Variants in ZNF407 observed in about 807,000 individuals in gnomAD.
ZNF407 encodes the protein zinc finger protein 407.
In ZNF407, 17 loss-of-function variants were observed where a neutral mutation model predicts 131.2. The ratio of observed to expected loss-of-function variants is 0.13; its 90% CI spans 0.09 to 0.19. The LOEUF (loss-of-function observed/expected upper bound fraction) is 0.19, where lower values mean the gene tolerates loss of function less well. Ranked by LOEUF, ZNF407 falls within the 10% of genes least tolerant of loss-of-function variation. The pLI is 1.00. For missense variants in ZNF407, 2,681 were observed against 2,830.6 expected, an observed-to-expected ratio of 0.95 and a Z score of 1.20; for synonymous variants, 1,156 against 1,062.0, an observed-to-expected ratio of 1.09 and a Z score of -1.72.
chr18:74,771,768 C>G (rs1353511000), intron 3 of ZNF407, among the ~76,000 whole-genome samples: 2 of 151,184 alleles, frequency 1.3e-5, no homozygotes, highest in African/African-American at 2.4e-5. Context: ...TTTTGTCTGA[C>G]TTGTTTCATA....
At chr18:74,719,567 T>A (rs1377783484) in intron 3 of ZNF407, among the ~76,000 whole-genome samples, 1 of 151,492 alleles carries the variant, frequency 6.6e-6, no homozygotes, top group Non-Finnish European at 1.5e-5. Context: ...GCCCGGCTAA[T>A]TTTTTTTTGT....
At chr18:75,045,062 GGGGGGGTGTGGGCATGTATGT>G (rs1280623743) in intron 8 of ZNF407, among the ~76,000 whole-genome samples, 2 of 151,198 alleles carry the variant, frequency 1.3e-5, no homozygotes, top group Non-Finnish European at 3.0e-5. Flanking sequence ...ATCTGGGTGT[GGGGGGGTGTGGGCATGTATGT>G]GGGGGGTGTG....
At chr18:74,629,574 T>G (rs190154536) in intron 1 of ZNF407, among the ~76,000 whole-genome samples, 30 of 152,316 alleles carry the variant, frequency 2.0e-4, no homozygotes, top group Admixed American at 1.8e-3. Context: ...AATTTACTTG[T>G]TTTTTTCTCG....
intron 3 of ZNF407, among the ~76,000 whole-genome samples, chr18:74,666,001 G>T (rs1245224787): frequency 6.6e-6 from 1 of 152,184 alleles, no homozygotes; most frequent in Non-Finnish European, 1.5e-5. Context: ...GAAGTACCTT[G>T]AAGAGCCCTA....
At chr18:74,937,635 A>T (rs1469435319) in intron 8 of ZNF407, among the ~76,000 whole-genome samples, 4 of 152,138 alleles carry the variant, frequency 2.6e-5, no homozygotes, top group Non-Finnish European at 5.9e-5. Flanking sequence ...GAGAGTTAAA[A>T]CCTTAAAAGT....
rs530627661 is a variant in ZNF407, at chr18:74,745,614, G to A, written c.4803-35814G>A. Among the ~76,000 whole-genome samples the A allele has an allele frequency of 2.9e-4, 44 of 152,254 alleles. No homozygotes were observed. The South Asian group carries it at 6.8e-3, about 24-fold the overall frequency. ...GTTTGATTTTAGTAATTGAACTTAC[G>A]TATTTGTTTTATGTTAGTTGCTTTA... On this transcript the variant is annotated intron_variant, in intron 3 of 8. Transcript: ENST00000299687.
chr18:74,787,676 C>T (rs750828696), intron 4 of ZNF407, among the ~76,000 whole-genome samples: 8 of 152,150 alleles, frequency 5.3e-5, no homozygotes, highest in African/African-American at 9.7e-5. Flanking sequence ...TTTGATGTCA[C>T]GATTCCTTCT....
intron 3 of ZNF407, among the ~76,000 whole-genome samples, chr18:74,706,980 C>T (rs1177921121): frequency 1.4e-5 from 2 of 142,818 alleles, no homozygotes; most frequent in Admixed American, 7.0e-5. Flanking sequence ...GATGGAGTCT[C>T]ACGCATTGTC....
chr18:74,632,596 CGTT>C lies in ZNF407; in HGVS notation c.1580_1582del (p.Leu527del). 1.9e-6 allele frequency: 3 copies of C among 1,614,030 alleles called. No homozygotes were observed. The highest frequency in any genetic ancestry group is 2.7e-5 in the African/African-American group (2 of 75,056). On this transcript the variant is annotated inframe_deletion, in exon 2 of 9. Coordinates refer to ENST00000299687, the MANE Select transcript of ZNF407 (RefSeq NM_017757.3). Reference sequence around the variant, plus strand: ...GTGAAGCCAGCTTCTGGCTCTCAGACGTTGTGTGCTTGTACAGACTGTGGGCAA... The same window carrying C: ...GTGAAGCCAGCTTCTGGCTCTCAGACGTGTGCTTGTACAGACTGTGGGCAA...
At chr18:74,708,911 A>G (rs985672763) in intron 3 of ZNF407, among the ~76,000 whole-genome samples, 1 of 152,248 alleles carries the variant, frequency 6.6e-6, no homozygotes, top group African/African-American at 2.4e-5. Context: ...TGTCAGCTGC[A>G]TTGCCTCAGC....
intron 3 of ZNF407, among the ~76,000 whole-genome samples, chr18:74,774,678 A>T (rs778788314): frequency 9.2e-5 from 14 of 152,226 alleles, no homozygotes; most frequent in Non-Finnish European, 1.6e-4. Flanking sequence ...ACAAATAAAG[A>T]AAACGAGGGT....
chr18:74,877,180 C>T lies in ZNF407; in HGVS notation c.4878-17C>T. ...GTGCGGGCCATATTTATATTGTTTTCTCTCTCCTTCATGCAGGAAATTTAC... is the reference window on the plus strand; with the variant it reads ...GTGCGGGCCATATTTATATTGTTTTTTCTCTCCTTCATGCAGGAAATTTAC... On this transcript the variant is annotated splice_polypyrimidine_tract_variant and intron_variant, in intron 4 of 8. Coordinates refer to ENST00000299687, the MANE Select transcript of ZNF407 (RefSeq NM_017757.3). 5.0e-6 allele frequency: 8 copies of T among 1,612,946 alleles called. No individual in the cohort carries two copies. Among genetic ancestry groups the T allele is most frequent in the Non-Finnish European group, 6.8e-6 (8 of 1,179,248 alleles).
intron 3 of ZNF407, among the ~76,000 whole-genome samples, chr18:74,738,186 C>T (rs1968461927): frequency 6.6e-6 from 1 of 151,952 alleles, no homozygotes; most frequent in Non-Finnish European, 1.5e-5. Context: ...CTTTGGGAGG[C>T]CGAGGCAGGC....
At chr18:74,906,086 C>T (rs1863417) in intron 7 of ZNF407, 64,706 of 153,084 alleles carry the variant, frequency 0.42, 16,428 homozygotes, top group Non-Finnish European at 0.55. Context: ...GCCACCATAC[C>T]TGCATTCCCA....
chr18:74,852,151 C>T (rs950757492), intron 4 of ZNF407, among the ~76,000 whole-genome samples: 2 of 146,830 alleles, frequency 1.4e-5, no homozygotes, highest in African/African-American at 5.1e-5. Flanking sequence ...TATCTGTATG[C>T]ATGGATGCAT....
chr18:74,696,396 G>A (rs1375619880), intron 3 of ZNF407, among the ~76,000 whole-genome samples: 2 of 152,196 alleles, frequency 1.3e-5, no homozygotes, highest in Non-Finnish European at 2.9e-5. Context: ...TCACTCTAAT[G>A]TAACCAGTTT....
chr18:74,643,555 G>T (rs528740782), intron 3 of ZNF407, among the ~76,000 whole-genome samples: 22 of 151,924 alleles, frequency 1.4e-4, no homozygotes, highest in Admixed American at 1.4e-3. Flanking sequence ...AAAAAATTGG[G>T]CAGTCACATT....
rs752973099 is a variant in ZNF407 at position 75,063,448 on chromosome 18, C to G, written c.5727C>G (p.Gly1909=). 5.6e-6 allele frequency: 9 copies of G among 1,607,918 alleles called. No individual in the cohort carries two copies. The South Asian group carries it at 8.9e-5, about 16-fold the overall frequency. Residue 1909 remains glycine (G), a synonymous_variant, in exon 9 of 9, where the codon GGC becomes GGG. Coordinates refer to ENST00000299687, the MANE Select transcript of ZNF407 (RefSeq NM_017757.3). This position sits in a 1 kb window ranked among gnomAD's most constrained non-coding sequence, Gnocchi z 6.6. ...VARVVHITED[G]QVIATSQSGA... is the part of the protein sequence containing the mutation. Reference sequence around the variant, plus strand: ...GGGTGGTGCATATCACGGAGGATGGCCAGGTCATCGCCACGAGTCAGAGCG... The same window carrying G: ...GGGTGGTGCATATCACGGAGGATGGGCAGGTCATCGCCACGAGTCAGAGCG...
chr18:74,629,796 T>C (rs2144656914), intron 1 of ZNF407, among the ~76,000 whole-genome samples: 1 of 152,326 alleles, frequency 6.6e-6, no homozygotes, highest in Middle Eastern at 3.4e-3. Flanking sequence ...AACATTCCCA[T>C]CATGGTGTAA....
Sources: allele counts gnomAD v4.1 joint callset (sites outside exome capture counted in the v4.1 genomes callset), GRCh38; gene constraint gnomAD v4.1.1; non-coding constraint Gnocchi (gnomAD v3.1); transcripts MANE v1.5; gene names NCBI Gene and HGNC (gene_info 2026-07-23, HGNC 2026-07-21).